Variants in MARCHF3 observed in about 807,000 individuals in gnomAD.
The protein encoded by MARCHF3 is E3 ubiquitin-protein ligase MARCHF3.
A neutral mutation model predicts 24.2 loss-of-function variants in MARCHF3; 13 were observed. The ratio of observed to expected loss-of-function variants is 0.54; its 90% CI spans 0.35 to 0.85. The LOEUF is 0.85. Among genes scored for constraint, MARCHF3 ranks in the 40% least tolerant of loss-of-function variants. The probability of loss-of-function intolerance (pLI) is 0.01; values close to 1 mark genes in which losing one functional copy is unlikely to be tolerated. For synonymous variants in MARCHF3, 144 were observed against 137.3 expected, an observed-to-expected ratio of 1.05 and a Z score of -0.34; for missense variants, 276 against 325.0, an observed-to-expected ratio of 0.85 and a Z score of 1.16.
At chr5:126,946,800 G>C (rs896794296) in intron 1 of MARCHF3, among the ~76,000 whole-genome samples, 2 of 150,602 alleles carry the variant, frequency 1.3e-5, no homozygotes, top group Non-Finnish European at 3.0e-5. Flanking sequence ...GTGTGTGTCT[G>C]TGTGTGTGTG....
chr5:126,902,574 T>C (rs946531555), intron 3 of MARCHF3, among the ~76,000 whole-genome samples: 4 of 152,124 alleles, frequency 2.6e-5, no homozygotes, highest in Admixed American at 2.6e-4. Flanking sequence ...TTACCAGCAG[T>C]GGATGGGCTA....
At chr5:127,005,260 C>T (rs779100425) in intron 1 of MARCHF3, among the ~76,000 whole-genome samples, 2 of 151,700 alleles carry the variant, frequency 1.3e-5, no homozygotes, top group African/African-American at 2.4e-5. Context: ...TCTCAGCCTC[C>T]GAGTAGGTGG....
In MARCHF3 at chr5:126,884,857, G is replaced by A. The variant is rs115768266; in HGVS notation, c.394-6463C>T. Among the ~76,000 whole-genome samples, 705 of 152,272 alleles carry A rather than the reference G, an allele frequency of 4.6e-3. 3 individuals are homozygous for A. The highest frequency in any genetic ancestry group is 0.034 in the Middle Eastern group (10 of 294). On this transcript the variant is annotated intron_variant, in intron 3 of 4. Coordinates refer to ENST00000308660, the MANE Select transcript of MARCHF3 (RefSeq NM_178450.5). ...TCCCAAAACAATAGTCAGGGTGAGC[G>A]TCTAGAAATATAAATCAAATTGGGT... is the stretch of plus-strand genomic sequence containing the variant.
chr5:126,962,537 T>A (rs1270709630), intron 1 of MARCHF3, among the ~76,000 whole-genome samples: 2 of 152,062 alleles, frequency 1.3e-5, no homozygotes, highest in Non-Finnish European at 2.9e-5. Context: ...GCTGACATGA[T>A]GCCACAAGTG....
At chr5:126,893,442 C>G (rs1753764699) in intron 3 of MARCHF3, among the ~76,000 whole-genome samples, 1 of 151,606 alleles carries the variant, frequency 6.6e-6, no homozygotes. Context: ...TATAAATTTC[C>G]CTCTACACAC....
chr5:126,942,973 A>G lies in MARCHF3; in HGVS notation c.-56-24746T>C, dbSNP rs373543519. Among the ~76,000 whole-genome samples the G allele has an allele frequency of 8.5e-5, 13 of 152,336 alleles. No individual in the cohort carries two copies. In the South Asian group the frequency reaches 2.7e-3, roughly 32 times the overall value. On this transcript the variant is annotated intron_variant, in intron 1 of 4. Transcript: ENST00000308660. Reference sequence around the variant, plus strand: ...CAGTGTCAAACACTGAAAAAAAGAGAAAGTAATAAAGGATATAAAAATAAT... The same window carrying G: ...CAGTGTCAAACACTGAAAAAAAGAGGAAGTAATAAAGGATATAAAAATAAT...
At chr5:126,886,279 A>G (rs1753507138) in intron 3 of MARCHF3, among the ~76,000 whole-genome samples, 1 of 152,132 alleles carries the variant, frequency 6.6e-6, no homozygotes, top group Non-Finnish European at 1.5e-5. Context: ...TGCTCTTTCA[A>G]TTCTTTCTTT....
At chr5:126,936,938 G>A (rs1220999740) in intron 1 of MARCHF3, among the ~76,000 whole-genome samples, 2 of 152,242 alleles carry the variant, frequency 1.3e-5, no homozygotes, top group Admixed American at 1.3e-4. Flanking sequence ...TCAGTAGGAA[G>A]ACTCCTGGGT....
intron 1 of MARCHF3, among the ~76,000 whole-genome samples, chr5:126,996,949 C>T (rs944790072): frequency 3.3e-5 from 5 of 152,072 alleles, no homozygotes; most frequent in African/African-American, 1.2e-4. Context: ...AAACTGTTAA[C>T]ATTTGTTATA....
At chr5:127,023,766 A>G (rs1398640211) in intron 1 of MARCHF3, among the ~76,000 whole-genome samples, 4 of 149,232 alleles carry the variant, frequency 2.7e-5, no homozygotes, top group African/African-American at 9.9e-5. Flanking sequence ...ATAAATAAAT[A>G]AATAAATAAA....
At chr5:127,004,421 C>T (rs574198316) in intron 1 of MARCHF3, among the ~76,000 whole-genome samples, 16 of 152,112 alleles carry the variant, frequency 1.1e-4, no homozygotes, top group African/African-American at 1.9e-4. Flanking sequence ...CAATTAATGA[C>T]GAAGGCAGAA....
intron 1 of MARCHF3, among the ~76,000 whole-genome samples, chr5:126,981,925 C>T (rs1751408944): frequency 6.6e-6 from 1 of 152,130 alleles, no homozygotes; most frequent in East Asian, 1.9e-4. Context: ...TGGAATATTC[C>T]CAAGGCTTTT....
intron 1 of MARCHF3, among the ~76,000 whole-genome samples, chr5:126,962,830 T>C (rs200850365): frequency 2.2e-4 from 12 of 54,142 alleles, no homozygotes; most frequent in South Asian, 1.2e-3. Flanking sequence ...TGTGTGTGTG[T>C]GTGCGTGTGT....
At chr5:126,892,215 AC>A (rs941888487) in intron 3 of MARCHF3, among the ~76,000 whole-genome samples, 1 of 142,556 alleles carries the variant, frequency 7.0e-6, no homozygotes, top group African/African-American at 2.6e-5. Flanking sequence ...TTCTAGATAT[AC>A]AATCATGTCG....
At chr5:127,020,827 C>T (rs7722202) in intron 1 of MARCHF3, among the ~76,000 whole-genome samples, 1,973 of 151,708 alleles carry the variant, frequency 0.013, 42 homozygotes, top group African/African-American at 0.042. Context: ...CCAGCCTGGG[C>T]AACACGGCGA....
At chr5:126,921,510 A>T (rs574536011) in intron 1 of MARCHF3, among the ~76,000 whole-genome samples, 61 of 152,336 alleles carry the variant, frequency 4.0e-4, no homozygotes, top group South Asian at 1.0e-3. Flanking sequence ...TTCCTTGTCT[A>T]GTTCAAAGCC....
chr5:126,892,847 T>A (rs545541133), intron 3 of MARCHF3, among the ~76,000 whole-genome samples: 30 of 151,434 alleles, frequency 2.0e-4, no homozygotes, highest in African/African-American at 7.3e-4. Context: ...TTGATTGGAA[T>A]AGTTTCAGAA....
At chr5:127,017,513 T>C (rs1752672239) in intron 1 of MARCHF3, among the ~76,000 whole-genome samples, 1 of 152,212 alleles carries the variant, frequency 6.6e-6, no homozygotes, top group Non-Finnish European at 1.5e-5. Flanking sequence ...ACATCATAGT[T>C]TAGCTTAGCC....
chr5:126,913,401 T>C (rs905648787), intron 3 of MARCHF3, among the ~76,000 whole-genome samples: 2 of 152,258 alleles, frequency 1.3e-5, no homozygotes, highest in Non-Finnish European at 2.9e-5. Context: ...CTTTTTACTT[T>C]GCCATTAGGC....
Sources: gnomAD v4.1 joint callset for allele counts (sites outside exome capture counted in the v4.1 genomes callset) on GRCh38, gnomAD v4.1.1 for gene constraint, MANE v1.5 for transcripts, NCBI Gene and HGNC (gene_info 2026-07-23, HGNC 2026-07-21) for gene names.